Variants in LIMK1 observed in about 807,000 individuals in gnomAD.
LIMK1 encodes the protein LIM domain kinase 1.
In LIMK1, 21 loss-of-function variants were observed where a neutral mutation model predicts 77.6. The observed-to-expected ratio is 0.27, with a 90% CI of 0.19 to 0.39. The LOEUF (loss-of-function observed/expected upper bound fraction) is 0.39. Ranked by LOEUF, LIMK1 falls within the 10% of genes least tolerant of loss-of-function variation. The probability of loss-of-function intolerance (pLI) is 1.00; values close to 1 mark genes in which losing one functional copy is unlikely to be tolerated. For synonymous variants in LIMK1, 358 were observed against 370.0 expected (o/e 0.97, Z 0.37); for missense variants, 696 against 901.6 (o/e 0.77, Z 2.92).
chr7:74,118,964 C>T (rs1433075691), intron 13 of LIMK1, among the ~76,000 whole-genome samples: 2 of 152,004 alleles, frequency 1.3e-5, no homozygotes, highest in Non-Finnish European at 1.5e-5. Context: ...GGTGCGATCT[C>T]GGCTCACTGC....
intron 12 of LIMK1, among the ~76,000 whole-genome samples, chr7:74,112,321 C>T (rs1457125747): frequency 6.6e-6 from 1 of 152,120 alleles, no homozygotes; most frequent in Admixed American, 6.6e-5. Context: ...TAGAGCACAG[C>T]CCATGGCAGA....
intron 10 of LIMK1, chr7:74,110,018 T>G (rs943899260): frequency 2.0e-5 from 3 of 152,102 alleles, no homozygotes; most frequent in Non-Finnish European, 4.4e-5. Flanking sequence ...TAGGTGTAAC[T>G]TGACACAACG....
Position 74,107,858 on chromosome 7 carries a change from G to A in LIMK1, c.1066-13G>A. On this transcript the variant is annotated splice_polypyrimidine_tract_variant and intron_variant, in intron 8 of 15. Transcript: ENST00000336180. ...AGAGCTTCTGTCTTCACACCTCTGT[G>A]TCCCACACGCAGGTGACACACCGTG... 1 of 1,558,322 alleles carries A rather than the reference G, an allele frequency of 6.4e-7. No homozygotes were observed. Among genetic ancestry groups the A allele is most frequent in the Middle Eastern group, 1.7e-4 (1 of 6,004 alleles).
intron 2 of LIMK1, among the ~76,000 whole-genome samples, chr7:74,095,696 A>G (rs1372550725): frequency 3.9e-5 from 6 of 152,162 alleles, no homozygotes; most frequent in South Asian, 2.1e-4. Flanking sequence ...ATGAGCCACC[A>G]TGCCCATCCC....
Position 74,106,214 on chromosome 7 carries a change from G to T in LIMK1, c.852G>T (p.Ala284=). Reference sequence around the variant, plus strand: ...CGGCTTATACTCCCAGCGGGGAGGCGGGCAGCTCTGCCCGGCAGAAACCTG... The same window carrying T: ...CGGCTTATACTCCCAGCGGGGAGGCTGGCAGCTCTGCCCGGCAGAAACCTG... The part of the protein sequence containing the change: ...SSPAYTPSGE[A]GSSARQKPVL... Residue 284 remains alanine, a synonymous_variant, in exon 7 of 16, where the codon GCG becomes GCT. Coordinates refer to ENST00000336180, the MANE Select transcript of LIMK1 (RefSeq NM_002314.4). 3 of 1,613,430 alleles carry T rather than the reference G, an allele frequency of 1.9e-6. No individual in the cohort carries two copies. Among genetic ancestry groups the T allele is most frequent in the Non-Finnish European group, 2.5e-6 (3 of 1,179,940 alleles).
intron 1 of LIMK1, 144 bp from the exon 2 acceptor site, chr7:74,085,604 C>A: frequency 1.4e-6 from 1 of 703,078 alleles, no homozygotes; most frequent in Admixed American, 2.1e-5. Flanking sequence ...TTTGGCACAG[C>A]GACTGCCCTG....
intron 2 of LIMK1, among the ~76,000 whole-genome samples, chr7:74,087,729 A>G (rs1433325337): frequency 6.6e-6 from 1 of 152,024 alleles, no homozygotes; most frequent in African/African-American, 2.4e-5. Context: ...AGCTGGGATT[A>G]CAGGTGTGCA....
intron 2 of LIMK1, among the ~76,000 whole-genome samples, chr7:74,089,398 G>A (rs1410333479): frequency 6.6e-6 from 1 of 152,132 alleles, no homozygotes; most frequent in Non-Finnish European, 1.5e-5. Context: ...CTACTCAAGG[G>A]CGCTGACATG....
intron 2 of LIMK1, among the ~76,000 whole-genome samples, chr7:74,094,640 C>A (rs934303469): frequency 2.0e-5 from 3 of 152,156 alleles, no homozygotes; most frequent in Non-Finnish European, 2.9e-5. Flanking sequence ...CCTGGCCTCC[C>A]GGCTGCAGCA....
rs782070319 is a variant in LIMK1 at position 74,097,163 on chromosome 7, G to A, written c.375G>A (p.Thr125=). 6.8e-6 allele frequency: 11 copies of A among 1,612,022 alleles called. No homozygotes were observed. The highest frequency in any genetic ancestry group is 2.2e-5 in the South Asian group (2 of 90,850). Residue 125 remains threonine, a synonymous_variant, in exon 4 of 16, where the codon ACG becomes ACA. Coordinates refer to ENST00000336180, the MANE Select transcript of LIMK1 (RefSeq NM_002314.4). ...TTATCGGTGACGGGGACACCTACAC[G>A]CTGGTGGAGCACTCCAAGCTGTACT... ...GTFIGDGDTY[T]LVEHSKLYCG...
At chr7:74,118,258 T>C (rs1389894407) in intron 13 of LIMK1, among the ~76,000 whole-genome samples, 3 of 147,728 alleles carry the variant, frequency 2.0e-5, no homozygotes, top group African/African-American at 7.6e-5. Context: ...GCGTCTGTAG[T>C]CCCAGCTACC....
At chr7:74,120,535 C>G (rs782170243) in intron 13 of LIMK1, 48 bp from the exon 14 acceptor site, 1 of 1,606,660 alleles carries the variant, frequency 6.2e-7, no homozygotes, top group Non-Finnish European at 8.5e-7. Flanking sequence ...TTTGGCATCC[C>G]TGGCACCCCC....
At chr7:74,084,070 C>A in intron 1 of LIMK1, 25 bp downstream of exon 1, 1 of 1,412,688 alleles carries the variant, frequency 7.1e-7, no homozygotes, top group Non-Finnish European at 9.5e-7. Context: ...GGGTGTGGGG[C>A]GAGGGCCTGG....
chr7:74,107,742 C>T (rs527840284), intron 8 of LIMK1, 129 bp from the exon 9 acceptor site: 26 of 681,834 alleles, frequency 3.8e-5, no homozygotes, highest in Admixed American at 2.7e-4. Flanking sequence ...TTGGGAACAT[C>T]CCATGCACAG....
In LIMK1 at chr7:74,121,337, G is replaced by A. The variant is rs1554700604; in HGVS notation, c.*36G>A. 15 of 1,518,480 alleles carry A rather than the reference G, an allele frequency of 9.9e-6. No homozygotes were observed. The highest frequency in any genetic ancestry group is 1.8e-4 in the Middle Eastern group (1 of 5,582). 94.1% of individuals were successfully genotyped at this position (1,518,480 alleles called of 1,614,324 possible). A position where few individuals can be genotyped will look rare whatever the true frequency, so the allele number is the denominator to read the frequency against. On this transcript the variant is annotated 3_prime_UTR_variant, in exon 16 of 16. Coordinates refer to ENST00000336180, the MANE Select transcript of LIMK1 (RefSeq NM_002314.4). Reference sequence around the variant, plus strand: ...CTCAGCTGCCCCTGTCCCCACCTCTGGAGAATCCACCCCCACCAGATTCCT... The same window carrying A: ...CTCAGCTGCCCCTGTCCCCACCTCTAGAGAATCCACCCCCACCAGATTCCT...
intron 9 of LIMK1, among the ~76,000 whole-genome samples, chr7:74,108,194 C>T (rs1237322892): frequency 2.0e-5 from 3 of 151,642 alleles, no homozygotes; most frequent in Non-Finnish European, 2.9e-5. Flanking sequence ...TTAAATTAAC[C>T]GAGCTTGGCA....
rs1264839604 is a variant in LIMK1, at chr7:74,121,032, T to A, written c.1764T>A (p.Asp588Glu). Residue 588 changes from aspartate to glutamate, a missense_variant, in exon 15 of 16, where the codon GAT becomes GAA. Coordinates refer to ENST00000336180, the MANE Select transcript of LIMK1 (RefSeq NM_002314.4). ...SFFPITVRCC[D>E]LDPEKRPSFV... ...TCCCCATCACCGTGCGCTGTTGCGA[T>A]CTGGACCCCGAGAAGAGGTGAGTGG... is the stretch of plus-strand genomic sequence containing the variant. 6.7e-7 allele frequency: 1 copy of A among 1,488,196 alleles called. No homozygotes were observed. The highest frequency in any genetic ancestry group is 1.4e-5 in the African/African-American group (1 of 69,824). 92.2% of individuals were successfully genotyped at this position (1,488,196 alleles called of 1,614,324 possible).
rs1417221356 is a variant in LIMK1, at chr7:74,112,130, G to T, written c.1410+132G>T. 6 of 725,040 alleles carry T rather than the reference G, an allele frequency of 8.3e-6. No individual in the cohort carries two copies. The South Asian group carries it at 1.1e-4, about 13-fold the overall frequency. The allele number at this position is 725,040 out of a possible 1,614,324, so 44.9% of individuals were successfully genotyped here. The stretch of plus-strand genomic sequence containing the variant: ...ATGACTTCAATTTGAGGTGGGGGTG[G>T]GGGGCAGCAGCCCGTGGGGAAGAGC... On this transcript the variant is annotated intron_variant, in intron 12 of 15. Coordinates refer to ENST00000336180, the MANE Select transcript of LIMK1 (RefSeq NM_002314.4).
In LIMK1 at chr7:74,101,801, C is replaced by CATATATATAT. The variant is rs10552134; in HGVS notation, c.608+2577_608+2586dup. Among the ~76,000 whole-genome samples, 954 of 146,150 alleles carry CATATATATAT rather than the reference C, an allele frequency of 6.5e-3. 9 individuals carry two copies. The highest frequency in any genetic ancestry group is 0.022 in the African/African-American group (852 of 39,516). ...TTCTAAGGAATTTACATATGTATGT[C>CATATATATAT]ATATATATATATATATATATATAGA... On this transcript the variant is annotated intron_variant, in intron 5 of 15. Coordinates refer to ENST00000336180, the MANE Select transcript of LIMK1 (RefSeq NM_002314.4).
Sources: allele counts gnomAD v4.1 joint callset (sites outside exome capture counted in the v4.1 genomes callset), GRCh38; gene constraint gnomAD v4.1.1; transcripts MANE v1.5; gene names NCBI Gene and HGNC (gene_info 2026-07-23, HGNC 2026-07-21).